CMTM7: variants seen among roughly 807,000 people sequenced by gnomAD.
The protein encoded by CMTM7 is CKLF-like MARVEL transmembrane domain-containing protein 7.
Under a neutral mutation model 19.3 loss-of-function variants are expected in CMTM7, and 7 were observed. The ratio of observed to expected loss-of-function variants is 0.36; its 90% confidence interval spans 0.21 to 0.68. The LOEUF is 0.68. Among genes scored for constraint, CMTM7 ranks in the 30% least tolerant of loss-of-function variants. The pLI, the probability that CMTM7 is intolerant of heterozygous loss-of-function variation, is 0.60. For synonymous variants in CMTM7, 87 were observed against 99.3 expected (o/e 0.88, Z 0.74); for missense variants, 193 against 232.6 (o/e 0.83, Z 1.11).
At chr3:32,452,500 G>A in intron 4 of CMTM7, 27 bp downstream of exon 4, 1 of 1,606,898 alleles carries the variant, frequency 6.2e-7, no homozygotes. Context: ...TGTGCACAGA[G>A]GATCTCTCAG....
rs116040678 is a variant in CMTM7 at position 32,410,308 on chromosome 3, C to A, written c.159+18243C>A. 5.6e-3 allele frequency among the ~76,000 whole-genome samples: 848 copies of A among 152,344 alleles called. 9 individuals are homozygous for A. Among genetic ancestry groups the A allele is most frequent in the African/African-American group, 0.019 (801 of 41,578 alleles). Reference sequence around the variant, plus strand: ...AGCCACCTTTCTGTTCAGGTCACCACGGAGTGTCCAGTTCGTAAGGTGGTG... The same window carrying A: ...AGCCACCTTTCTGTTCAGGTCACCAAGGAGTGTCCAGTTCGTAAGGTGGTG... On this transcript the variant is annotated intron_variant, in intron 1 of 4. Coordinates refer to ENST00000334983, the MANE Select transcript of CMTM7 (RefSeq NM_138410.4).
At chr3:32,431,466 G>A (rs1406786720) in intron 1 of CMTM7, among the ~76,000 whole-genome samples, 1 of 151,894 alleles carries the variant, frequency 6.6e-6, no homozygotes, top group African/African-American at 2.4e-5. Flanking sequence ...GCTGAGCCTT[G>A]TGAGTTGGAG....
chr3:32,404,142 C>CTTTTTTTT (rs11364371), intron 1 of CMTM7, among the ~76,000 whole-genome samples: 1 of 109,232 alleles, frequency 9.2e-6, no homozygotes, highest in Admixed American at 8.7e-5. Context: ...TTCTTTCTTT[C>CTTTTTTTT]TTTTTTTTTC....
At chr3:32,395,560 T>C (rs1695903102) in intron 1 of CMTM7, among the ~76,000 whole-genome samples, 1 of 152,182 alleles carries the variant, frequency 6.6e-6, no homozygotes, top group South Asian at 2.1e-4. Context: ...TGTTGCTTGT[T>C]AATAGTTCTA....
At chr3:32,393,553 T>C (rs1051404037) in intron 1 of CMTM7, among the ~76,000 whole-genome samples, 2 of 152,152 alleles carry the variant, frequency 1.3e-5, no homozygotes, top group Non-Finnish European at 2.9e-5. Flanking sequence ...AAAAGTCTTC[T>C]TGTTGGTCTA....
intron 1 of CMTM7, among the ~76,000 whole-genome samples, chr3:32,423,959 C>T (rs919795975): frequency 6.6e-6 from 1 of 152,166 alleles, no homozygotes; most frequent in Non-Finnish European, 1.5e-5. Context: ...TCAATAGAGG[C>T]CAGATAGGAC....
chr3:32,411,106 A>C lies in CMTM7; in HGVS notation c.159+19041A>C, dbSNP rs532421521. Among the ~76,000 whole-genome samples the C allele has an allele frequency of 2.0e-5, 3 of 152,302 alleles. No homozygotes were observed. The South Asian group carries it at 6.2e-4, about 32-fold the overall frequency. ...TCTGTCCCAGCTCTGTGTCAGCCGC[A>C]GGGGATACAGCTGTGAATGAGGCAG... On this transcript the variant is annotated intron_variant, in intron 1 of 4. Transcript: ENST00000334983.
intron 1 of CMTM7, among the ~76,000 whole-genome samples, chr3:32,441,108 C>T (rs923315170): frequency 2.0e-4 from 30 of 152,194 alleles, no homozygotes; most frequent in Admixed American, 1.4e-3. Context: ...CCACCTTTCT[C>T]GGCTTGTTAT....
At chr3:32,440,986 C>T (rs1225935181) in intron 1 of CMTM7, among the ~76,000 whole-genome samples, 1 of 152,170 alleles carries the variant, frequency 6.6e-6, no homozygotes, top group African/African-American at 2.4e-5. Context: ...AGTAGCAGGC[C>T]GTTAAGCATG....
chr3:32,410,220 T>A (rs368785386), intron 1 of CMTM7, among the ~76,000 whole-genome samples: 59 of 152,282 alleles, frequency 3.9e-4, no homozygotes, highest in African/African-American at 1.2e-3. Flanking sequence ...CAGAATCCCT[T>A]TGTTCACTTA....
At chr3:32,441,512 A>G (rs1696675027) in intron 1 of CMTM7, among the ~76,000 whole-genome samples, 1 of 152,186 alleles carries the variant, frequency 6.6e-6, no homozygotes, top group East Asian at 1.9e-4. Context: ...TATCCAGCAG[A>G]TGAAAGGGAT....
At chr3:32,393,295 T>C (rs765577300) in intron 1 of CMTM7, among the ~76,000 whole-genome samples, 6 of 152,194 alleles carry the variant, frequency 3.9e-5, no homozygotes, top group Non-Finnish European at 8.8e-5. Context: ...GAAGAGCCAT[T>C]TCAGCAACGT....
chr3:32,403,709 CA>C (rs1429123890), intron 1 of CMTM7, among the ~76,000 whole-genome samples: 2 of 152,102 alleles, frequency 1.3e-5, no homozygotes, highest in African/African-American at 4.8e-5. Flanking sequence ...TTTTCATGAT[CA>C]TTATGTTGTG....
rs193018116 is a variant in CMTM7, at chr3:32,426,317, T to C, written c.160-15523T>C. Among the ~76,000 whole-genome samples the C allele has an allele frequency of 3.2e-3, 488 of 152,356 alleles. 1 individual carries two copies. Among genetic ancestry groups the C allele is most frequent in the Non-Finnish European group, 5.3e-3 (358 of 68,036 alleles). ...GTTATATTTTCACACCATGAGTCTT[T>C]CTTAACCTTTTTAATATTTATGTCA... On this transcript the variant is annotated intron_variant, in intron 1 of 4. Coordinates refer to ENST00000334983, the MANE Select transcript of CMTM7 (RefSeq NM_138410.4).
At chr3:32,421,650 T>C (rs1280364735) in intron 1 of CMTM7, among the ~76,000 whole-genome samples, 1 of 152,256 alleles carries the variant, frequency 6.6e-6, no homozygotes, top group Non-Finnish European at 1.5e-5. Context: ...TTAAGCTCCT[T>C]ACCCTTTAGG....
At chr3:32,401,312 A>G (rs994256807) in intron 1 of CMTM7, among the ~76,000 whole-genome samples, 2 of 152,242 alleles carry the variant, frequency 1.3e-5, no homozygotes, top group Non-Finnish European at 2.9e-5. Context: ...CACCTCAAAT[A>G]ACCACTTACA....
At chr3:32,447,066 C>T (rs1321996808) in intron 2 of CMTM7, among the ~76,000 whole-genome samples, 3 of 152,142 alleles carry the variant, frequency 2.0e-5, no homozygotes, top group Non-Finnish European at 4.4e-5. Context: ...CTATAAATCT[C>T]CCTCTGATAA....
intron 1 of CMTM7, among the ~76,000 whole-genome samples, chr3:32,399,323 A>G (rs927017688): frequency 7.4e-5 from 11 of 147,996 alleles, no homozygotes; most frequent in African/African-American, 2.8e-4. Flanking sequence ...CATCTTATTC[A>G]TTTCAGAATA....
rs1696803454 is a variant in CMTM7 at position 32,449,752 on chromosome 3, C to T, written c.432+200C>T. Among the ~76,000 whole-genome samples, 1 of 152,100 alleles carries T rather than the reference C, an allele frequency of 6.6e-6. No individual in the cohort carries two copies. The highest frequency in any genetic ancestry group is 2.4e-5 in the African/African-American group (1 of 41,420). Reference sequence around the variant, plus strand: ...CCAGAAGGTGGATTGTCAGGGCTGCCAGCAAATTCATAGACCCCAGCAGCC... The same window carrying T: ...CCAGAAGGTGGATTGTCAGGGCTGCTAGCAAATTCATAGACCCCAGCAGCC... On this transcript the variant is annotated intron_variant, in intron 3 of 4. Coordinates refer to ENST00000334983, the MANE Select transcript of CMTM7 (RefSeq NM_138410.4). This position sits in a 1 kb window ranked among gnomAD's most constrained non-coding sequence, Gnocchi z 4.5.
Sources: allele counts gnomAD v4.1 joint callset (sites outside exome capture counted in the v4.1 genomes callset), GRCh38; gene constraint gnomAD v4.1.1; non-coding constraint Gnocchi (gnomAD v3.1); transcripts MANE v1.5; gene names NCBI Gene and HGNC (gene_info 2026-07-23, HGNC 2026-07-21).